Variants in CCDC33 observed in about 807,000 individuals in gnomAD.
CCDC33 encodes coiled-coil domain-containing protein 33.
A neutral mutation model predicts 91.9 loss-of-function variants in CCDC33; 94 were observed. The ratio of observed to expected loss-of-function variants is 1.02; its 90% CI spans 0.87 to 1.21. The LOEUF is 1.21. Ranked by LOEUF, CCDC33 falls within the 50% of genes most tolerant of loss-of-function variation. The pLI, the probability that CCDC33 is intolerant of heterozygous loss-of-function variation, is 0.00. For missense variants in CCDC33, 940 were observed against 935.5 expected (o/e 1.00, Z -0.06); for synonymous variants, 396 against 374.5 (o/e 1.06, Z -0.66).
chr15:74,252,165 C>T (rs1247855342), intron 2 of CCDC33, among the ~76,000 whole-genome samples: 1 of 152,110 alleles, frequency 6.6e-6, no homozygotes, highest in African/African-American at 2.4e-5. Flanking sequence ...CCGTGGTTAC[C>T]CCTTTTGGAA....
chr15:74,312,369 C>T (rs1380156126), intron 11 of CCDC33, among the ~76,000 whole-genome samples: 1 of 152,186 alleles, frequency 6.6e-6, no homozygotes, highest in Non-Finnish European at 1.5e-5. Flanking sequence ...GAGGGTCCCC[C>T]GTGCCTAGAG....
At position 74,300,688 on chromosome 15, in the gene CCDC33, A is replaced by G. The variant is rs183439258; in HGVS notation, c.1290+4740A>G. On this transcript the variant is annotated intron_variant, in intron 11 of 18. Coordinates refer to ENST00000398814, the MANE Select transcript of CCDC33 (RefSeq NM_025055.5). Reference sequence around the variant, plus strand: ...ACTTCAGCTTAATAGGAAATTGAACATTTTCTGGAGAGAAAAGCGCTCTGG... The same window carrying G: ...ACTTCAGCTTAATAGGAAATTGAACGTTTTCTGGAGAGAAAAGCGCTCTGG... The G allele has an allele frequency of 2.0e-5, 3 of 152,198 alleles. No individual in the cohort carries two copies. The East Asian group carries it at 5.8e-4, about 29-fold the overall frequency. 9.4% of individuals were successfully genotyped at this position (152,198 alleles called of 1,614,324 possible).
intron 10 of CCDC33, among the ~76,000 whole-genome samples, chr15:74,292,510 C>A (rs1488210582): frequency 2.6e-5 from 4 of 152,208 alleles, no homozygotes; most frequent in African/African-American, 4.8e-5. Flanking sequence ...TGCCCGTCAC[C>A]TCACATGACA....
intron 11 of CCDC33, among the ~76,000 whole-genome samples, chr15:74,298,927 A>T (rs1196136906): frequency 1.3e-5 from 2 of 152,018 alleles, no homozygotes; most frequent in Non-Finnish European, 2.9e-5. Flanking sequence ...TGGCCAGGAT[A>T]GTCCCAAGCT....
At chr15:74,237,614 C>T (rs1458868973) in intron 1 of CCDC33, among the ~76,000 whole-genome samples, 1 of 152,246 alleles carries the variant, frequency 6.6e-6, no homozygotes, top group East Asian at 1.9e-4. Context: ...CCCACAGCTG[C>T]CCCCCACCCC....
At chr15:74,327,608 C>G (rs1316208199) in intron 11 of CCDC33, among the ~76,000 whole-genome samples, 1 of 152,162 alleles carries the variant, frequency 6.6e-6, no homozygotes, top group Non-Finnish European at 1.5e-5. Flanking sequence ...GCACTCCAGC[C>G]TGGGTGATGG....
chr15:74,280,811 C>G lies in CCDC33; in HGVS notation c.1023+10C>G. On this transcript the variant is annotated intron_variant, in intron 9 of 18. Coordinates refer to ENST00000398814, the MANE Select transcript of CCDC33 (RefSeq NM_025055.5). ...GCGGCTCCCCATCATGGTGAGCCCC[C>G]TGCCCTGAACTGGGCCCCTAGCGTG... 1 of 1,483,892 alleles carries G rather than the reference C, an allele frequency of 6.7e-7. No homozygotes were observed. The highest frequency in any genetic ancestry group is 1.4e-5 in the South Asian group (1 of 70,040). 91.9% of individuals were successfully genotyped at this position (1,483,892 alleles called of 1,614,324 possible).
Position 74,332,680 on chromosome 15 carries a change from C to A in CCDC33, c.1773C>A (p.Gly591=). The A allele has an allele frequency of 6.2e-7, 1 of 1,613,798 alleles. No individual in the cohort carries two copies. Among genetic ancestry groups the A allele is most frequent in the Non-Finnish European group, 8.5e-7 (1 of 1,179,744 alleles). ...LNRQQGKPYT[G]FPMLSASGLP... is the part of the protein sequence containing the mutation. ...CAACATCTGTGGCCGTGTCTCTAGG[C>A]TTCCCTATGCTCTCAGCCTCTGGCC... The change falls in exon 16 of 19, where the codon GGC becomes GGA. Residue 591 remains glycine (G), a splice_region_variant and synonymous_variant. Coordinates refer to ENST00000398814, the MANE Select transcript of CCDC33 (RefSeq NM_025055.5).
upstream of CCDC33, among the ~76,000 whole-genome samples, chr15:74,213,837 G>A (rs535704047): frequency 4.7e-4 from 71 of 152,340 alleles, no homozygotes; most frequent in African/African-American, 1.6e-3. Context: ...GGGTGCTGAA[G>A]GCCCAGGGTG....
intron 7 of CCDC33, among the ~76,000 whole-genome samples, chr15:74,276,586 G>C (rs998242423): frequency 2.0e-5 from 3 of 152,180 alleles, no homozygotes; most frequent in African/African-American, 7.2e-5. Context: ...GGAGCAGCCA[G>C]GGCATCCCCT....
downstream of CCDC33, chr15:74,336,171 C>T (rs2060564127): frequency 2.0e-6 from 3 of 1,471,190 alleles, no homozygotes; most frequent in African/African-American, 4.2e-5. Flanking sequence ...AGCAGGGCAG[C>T]CTGGGGGCCC....
chr15:74,250,247 G>A (rs1430125487), intron 2 of CCDC33, among the ~76,000 whole-genome samples: 1 of 152,114 alleles, frequency 6.6e-6, no homozygotes, highest in African/African-American at 2.4e-5. Flanking sequence ...TTACCATTGG[G>A]TACTGTGGTG....
intron 1 of CCDC33, 64 bp from the exon 2 acceptor site, chr15:74,243,921 G>A: frequency 6.5e-7 from 1 of 1,530,104 alleles, no homozygotes; most frequent in Non-Finnish European, 8.8e-7. Context: ...CTCCAGCCTG[G>A]GCAACAGAGC....
intron 2 of CCDC33, among the ~76,000 whole-genome samples, chr15:74,251,755 G>C (rs2075716308): frequency 6.6e-6 from 1 of 152,188 alleles, no homozygotes. Flanking sequence ...ACTGAGCTCA[G>C]CCCTGACCCT....
At chr15:74,277,452 C>G (rs1254008462) in intron 7 of CCDC33, among the ~76,000 whole-genome samples, 3 of 152,246 alleles carry the variant, frequency 2.0e-5, no homozygotes, top group African/African-American at 7.2e-5. Flanking sequence ...CCAGGGGAAG[C>G]AGGTCTGCCT....
intron 18 of CCDC33, chr15:74,335,375 A>C (rs952403180): frequency 3.4e-6 from 2 of 593,708 alleles, no homozygotes; most frequent in Non-Finnish European, 6.0e-6. Flanking sequence ...CCATGCAGGC[A>C]TCTCCAGGAT....
chr15:74,323,435 C>T (rs1220322378), intron 11 of CCDC33, among the ~76,000 whole-genome samples: 2 of 152,100 alleles, frequency 1.3e-5, no homozygotes, highest in African/African-American at 2.4e-5. Flanking sequence ...TCACGCCCCT[C>T]ATGCCCCTCC....
intron 2 of CCDC33, among the ~76,000 whole-genome samples, chr15:74,255,131 C>CT (rs61541377): frequency 0.73 from 109,537 of 150,600 alleles, 41,788 homozygotes; most frequent in Non-Finnish European, 0.86. Context: ...TGGATCCAGC[C>CT]CTCTCCTGAG....
intron 2 of CCDC33, among the ~76,000 whole-genome samples, chr15:74,228,991 T>C (rs2074887727): frequency 6.6e-6 from 1 of 152,066 alleles, no homozygotes; most frequent in Non-Finnish European, 1.5e-5. Context: ...CAGTTTCCTG[T>C]AATTGGAGCC....
Sources: allele counts gnomAD v4.1 joint callset (sites outside exome capture counted in the v4.1 genomes callset), GRCh38; gene constraint gnomAD v4.1.1; transcripts MANE v1.5; gene names NCBI Gene and HGNC (gene_info 2026-07-23, HGNC 2026-07-21).